The following CLVS1 variants were observed in gnomAD, a reference collection of about 807,000 sequenced individuals.
CLVS1 encodes clavesin 1, also known as clavesin-1.
In CLVS1, 10 loss-of-function variants were observed where a neutral mutation model predicts 33.1. That is an observed-to-expected ratio of 0.30 (90% CI 0.19 to 0.51). The LOEUF is 0.51. Among genes scored for constraint, CLVS1 ranks in the 20% least tolerant of loss-of-function variants. The probability of loss-of-function intolerance (pLI) is 0.97; values close to 1 mark genes in which losing one functional copy is unlikely to be tolerated. For missense variants in CLVS1, 343 were observed against 433.4 expected, an observed-to-expected ratio of 0.79 and a Z score of 1.85; for synonymous variants, 163 against 166.1, an observed-to-expected ratio of 0.98 and a Z score of 0.14.
intron 3 of CLVS1, among the ~76,000 whole-genome samples, chr8:61,410,066 G>GTTTTTTTT (rs201195565): frequency 4.1e-4 from 44 of 106,906 alleles, no homozygotes; most frequent in Non-Finnish European, 6.5e-4. Context: ...ACTTGCAGAG[G>GTTTTTTTT]TTTTTTTTTT....
intron 2 of CLVS1, among the ~76,000 whole-genome samples, chr8:61,371,689 G>A (rs1379108339): frequency 1.3e-5 from 2 of 152,106 alleles, no homozygotes; most frequent in East Asian, 1.9e-4. Flanking sequence ...TTTGAAATTT[G>A]AATACTTTCT....
At chr8:61,038,031 G>T in the CLVS1 span, among the ~76,000 whole-genome samples, 1 of 152,168 alleles carries the variant, frequency 6.6e-6, no homozygotes, top group Admixed American at 6.5e-5. Flanking sequence ...TGAGAGCACA[G>T]CACAGGAGAG....
chr8:61,404,034 A>G (rs1484535982), intron 3 of CLVS1, among the ~76,000 whole-genome samples: 1 of 152,232 alleles, frequency 6.6e-6, no homozygotes, highest in Non-Finnish European at 1.5e-5. Context: ...AATGGGAATA[A>G]GCAGAGTGAG....
chr8:61,178,857 G>A (rs1419521087), intron 2 of CLVS1, among the ~76,000 whole-genome samples: 1 of 151,964 alleles, frequency 6.6e-6, no homozygotes, highest in East Asian at 1.9e-4. Context: ...CACTAAATAT[G>A]GAAAGGAAAA....
At chr8:61,188,565 G>T (rs1265495933) in intron 2 of CLVS1, among the ~76,000 whole-genome samples, 1 of 152,028 alleles carries the variant, frequency 6.6e-6, no homozygotes, top group Non-Finnish European at 1.5e-5. Flanking sequence ...GAATTTGAAG[G>T]CCATCTGCAG....
intron 2 of CLVS1, among the ~76,000 whole-genome samples, chr8:61,242,675 G>C (rs1364526577): frequency 2.0e-5 from 3 of 151,934 alleles, no homozygotes; most frequent in African/African-American, 7.3e-5. Context: ...TGTAGTCCCA[G>C]ATACTCATTC....
chr8:61,399,022 G>A (rs1227712971), intron 3 of CLVS1, among the ~76,000 whole-genome samples: 2 of 152,300 alleles, frequency 1.3e-5, no homozygotes, highest in Middle Eastern at 3.4e-3. Context: ...ACACGTGAAT[G>A]TATCTTTATA....
At chr8:61,238,542 G>A (rs1370995773) in intron 2 of CLVS1, among the ~76,000 whole-genome samples, 3 of 152,124 alleles carry the variant, frequency 2.0e-5, no homozygotes, top group African/African-American at 7.2e-5. Context: ...TTGGCGAATG[G>A]CTTCATTCTG....
At chr8:61,149,681 GA>G (rs1399778814) in intron 2 of CLVS1, among the ~76,000 whole-genome samples, 1 of 151,896 alleles carries the variant, frequency 6.6e-6, no homozygotes, top group Admixed American at 6.6e-5. Context: ...AGACTCATTT[GA>G]ACTTAACATG....
At chr8:61,102,462 C>T (rs1805468218) in intron 1 of CLVS1, among the ~76,000 whole-genome samples, 1 of 152,126 alleles carries the variant, frequency 6.6e-6, no homozygotes, top group African/African-American at 2.4e-5. Flanking sequence ...ATCCTGCAAC[C>T]TTGTTGAACT....
intron 1 of CLVS1, among the ~76,000 whole-genome samples, chr8:61,099,906 G>A (rs1314278746): frequency 2.6e-5 from 4 of 152,136 alleles, no homozygotes; most frequent in African/African-American, 7.2e-5. Flanking sequence ...CAATATAATC[G>A]GATATATAGT....
chr8:61,010,908 G>A, the CLVS1 span, among the ~76,000 whole-genome samples: 1 of 152,248 alleles, frequency 6.6e-6, no homozygotes, highest in African/African-American at 2.4e-5. Context: ...CCTGGCTGGG[G>A]CTTCTGCGGT....
intron 2 of CLVS1, among the ~76,000 whole-genome samples, chr8:61,359,518 G>A (rs1242309155): frequency 6.6e-6 from 1 of 152,040 alleles, no homozygotes; most frequent in African/African-American, 2.4e-5. Flanking sequence ...ATCATGCCCG[G>A]CTAATTTTTG....
At chr8:61,494,076 T>C (rs1389383540) in intron 5 of CLVS1, among the ~76,000 whole-genome samples, 1 of 152,194 alleles carries the variant, frequency 6.6e-6, no homozygotes, top group Non-Finnish European at 1.5e-5. Context: ...AAAGTAGACC[T>C]GAGAGCAGAA....
chr8:61,309,265 C>T lies in CLVS1; in HGVS notation c.455+8983C>T, dbSNP rs563936172. Among the ~76,000 whole-genome samples, 148 of 152,274 alleles carry T rather than the reference C, an allele frequency of 9.7e-4. 1 individual carries two copies. Among genetic ancestry groups the T allele is most frequent in the Non-Finnish European group, 1.6e-3 (111 of 68,018 alleles). On this transcript the variant is annotated intron_variant, in intron 2 of 5. Coordinates refer to ENST00000325897, the MANE Select transcript of CLVS1 (RefSeq NM_173519.3). ...AGTGAAAGGGGTGCTGACCAATTGACGAGGCTTGTTACGCTTTAATGGAAT... is the reference window on the plus strand; with the variant it reads ...AGTGAAAGGGGTGCTGACCAATTGATGAGGCTTGTTACGCTTTAATGGAAT...
At chr8:61,234,156 C>T (rs567261990) in intron 2 of CLVS1, among the ~76,000 whole-genome samples, 7 of 152,172 alleles carry the variant, frequency 4.6e-5, no homozygotes, top group East Asian at 1.9e-4. Context: ...CACAGACCAC[C>T]GGCGTTAGGG....
the CLVS1 span, among the ~76,000 whole-genome samples, chr8:61,038,536 A>C: frequency 4.6e-5 from 7 of 151,712 alleles, no homozygotes; most frequent in African/African-American, 1.7e-4. Context: ...CCCAGAATGG[A>C]ATAAGTCTTA....
chr8:61,116,997 CCATGAG>C (rs1210897005), intron 1 of CLVS1, among the ~76,000 whole-genome samples: 1 of 142,238 alleles, frequency 7.0e-6, no homozygotes, highest in Admixed American at 7.0e-5. Flanking sequence ...TTCTTCCTAC[CCATGAG>C]CATGGAATGT....
intron 3 of CLVS1, among the ~76,000 whole-genome samples, chr8:61,378,824 A>G (rs1045249820): frequency 1.3e-5 from 2 of 152,174 alleles, no homozygotes; most frequent in African/African-American, 2.4e-5. Context: ...GCCCCGGTCA[A>G]TCTACCACTG....
Sources: gnomAD v4.1 joint callset for allele counts (sites outside exome capture counted in the v4.1 genomes callset) on GRCh38, gnomAD v4.1.1 for gene constraint, MANE v1.5 for transcripts, NCBI Gene and HGNC (gene_info 2026-07-23, HGNC 2026-07-21) for gene names.